CACNA1I: variants seen among roughly 807,000 people sequenced by gnomAD.
CACNA1I encodes the protein voltage-dependent T-type calcium channel subunit alpha-1I.
In CACNA1I, 74 loss-of-function variants were observed where a neutral mutation model predicts 201.6. That is an observed-to-expected ratio of 0.37 (90% confidence interval 0.30 to 0.45). The LOEUF (loss-of-function observed/expected upper bound fraction) is 0.45. CACNA1I is among the 20% of genes least tolerant of loss of function. The pLI, the probability that CACNA1I is intolerant of heterozygous loss-of-function variation, is 1.00. For missense variants in CACNA1I, 2,346 were observed against 3,138.1 expected (o/e 0.75, Z 6.03); for synonymous variants, 1,431 against 1,345.2 (o/e 1.06, Z -1.40).
chr22:39,602,550 G>T (rs1486304816), intron 3 of CACNA1I, among the ~76,000 whole-genome samples: 3 of 25,116 alleles, frequency 1.2e-4, no homozygotes, highest in African/African-American at 2.2e-4. Flanking sequence ...ACATCTTTAA[G>T]TAGTTTTTTT....
At chr22:39,612,486 G>A (rs1252708936) in intron 3 of CACNA1I, among the ~76,000 whole-genome samples, 1 of 152,158 alleles carries the variant, frequency 6.6e-6, no homozygotes, top group African/African-American at 2.4e-5. Context: ...GGAAGTCCAA[G>A]ATCAAGGTGC....
intron 3 of CACNA1I, among the ~76,000 whole-genome samples, chr22:39,615,868 T>C (rs1272510066): frequency 6.6e-6 from 1 of 152,118 alleles, no homozygotes; most frequent in African/African-American, 2.4e-5. Flanking sequence ...CCTGGAAGGA[T>C]CTACAGTGTC....
At chr22:39,613,787 G>T (rs1459229499) in intron 3 of CACNA1I, among the ~76,000 whole-genome samples, 2 of 152,202 alleles carry the variant, frequency 1.3e-5, no homozygotes, top group Non-Finnish European at 2.9e-5. Context: ...GAGGGGGCAG[G>T]TCACACAGAG....
intron 3 of CACNA1I, among the ~76,000 whole-genome samples, chr22:39,613,385 T>A (rs1983476234): frequency 1.3e-5 from 2 of 152,118 alleles, no homozygotes; most frequent in Admixed American, 1.3e-4. Context: ...GCAGAAGAGC[T>A]CATCTCTGCC....
chr22:39,625,450 G>A (rs1933871229), intron 4 of CACNA1I, among the ~76,000 whole-genome samples: 1 of 152,230 alleles, frequency 6.6e-6, no homozygotes, highest in Non-Finnish European at 1.5e-5. Context: ...TATGCCTGCT[G>A]TGTGACCTGA....
chr22:39,658,541 T>C (rs952082655), intron 11 of CACNA1I, among the ~76,000 whole-genome samples: 120 of 152,210 alleles, frequency 7.9e-4, no homozygotes, highest in African/African-American at 2.8e-3. Flanking sequence ...ATAAATCATA[T>C]TGGGAAACAA....
chr22:39,660,338 TC>T lies in CACNA1I; in HGVS notation c.2605-3del. On this transcript the variant is annotated splice_polypyrimidine_tract_variant and splice_region_variant and intron_variant, in intron 14 of 36. Coordinates refer to ENST00000402142, the MANE Select transcript of CACNA1I (RefSeq NM_021096.4). ...CTGCATTCTAACGTGACGGATGCTC[TC>T]CCAGGGTGACGCCAATCGCTCCTAC... 6.2e-7 allele frequency: 1 copy of T among 1,610,718 alleles called. No individual in the cohort carries two copies. The highest frequency in any genetic ancestry group is 1.1e-5 in the South Asian group (1 of 90,524).
rs1935563021 is a variant in CACNA1I at position 39,677,864 on chromosome 22, A to G, written c.4934-123A>G. 1 of 1,124,032 alleles carries G rather than the reference A, an allele frequency of 8.9e-7. No individual in the cohort carries two copies. Among genetic ancestry groups the G allele is most frequent in the African/African-American group, 1.6e-5 (1 of 63,890 alleles). The allele number at this position is 1,124,032 out of a possible 1,614,324, so 69.6% of individuals were successfully genotyped here. ...GCCTCAGTTTATCTGTGGGCTGGGC[A>G]CAGTCTGCAGGCCCCTCCTAGGGTG... On this transcript the variant is annotated intron_variant, in intron 30 of 36. Transcript: ENST00000402142. This position sits in a 1 kb window ranked among gnomAD's most constrained non-coding sequence, Gnocchi z 4.8.
At chr22:39,635,132 C>T (rs912747017) in intron 5 of CACNA1I, among the ~76,000 whole-genome samples, 5 of 152,176 alleles carry the variant, frequency 3.3e-5, no homozygotes, top group African/African-American at 1.2e-4. Flanking sequence ...CCTATAGAAC[C>T]CGTGCTTCCG....
chr22:39,601,373 G>C (rs191348329), intron 3 of CACNA1I, among the ~76,000 whole-genome samples: 1 of 152,362 alleles, frequency 6.6e-6, no homozygotes, highest in Non-Finnish European at 1.5e-5. Flanking sequence ...GGACCAGGGC[G>C]CTGGGCAAAG....
intron 10 of CACNA1I, chr22:39,656,666 G>T (rs1013628269): frequency 5.8e-6 from 3 of 518,866 alleles, no homozygotes; most frequent in African/African-American, 5.8e-5. Flanking sequence ...ATGAATGAAT[G>T]AATGAATTTG....
Position 39,685,640 on chromosome 22 carries a change from C to T in CACNA1I, c.6028-121C>T, listed in dbSNP as rs930904172. 5 of 839,076 alleles carry T rather than the reference C, an allele frequency of 6.0e-6. No individual in the cohort carries two copies. Among genetic ancestry groups the T allele is most frequent in the African/African-American group, 3.6e-5 (2 of 54,894 alleles). The allele number at this position is 839,076 out of a possible 1,614,324, so 52.0% of individuals were successfully genotyped here. On this transcript the variant is annotated intron_variant, in intron 36 of 36. Transcript: ENST00000402142. This position sits in a 1 kb window ranked among gnomAD's most constrained non-coding sequence, Gnocchi z 5.0. The stretch of plus-strand genomic sequence containing the variant: ...GGACGTGCGGAGGGGAGAAGCCCTG[C>T]TCCGAAGGGAGCTCCTTGGATGGGG...
chr22:39,632,411 C>T (rs906923666), intron 4 of CACNA1I, among the ~76,000 whole-genome samples: 5 of 152,234 alleles, frequency 3.3e-5, no homozygotes, highest in African/African-American at 9.6e-5. Flanking sequence ...CCTGCAACCG[C>T]CTTCAGGAAT....
chr22:39,588,701 A>G (rs775840270), intron 1 of CACNA1I, among the ~76,000 whole-genome samples: 6 of 152,078 alleles, frequency 3.9e-5, no homozygotes, highest in Non-Finnish European at 7.4e-5. Flanking sequence ...GCATTTTCAT[A>G]TAAGTCCTCT....
intron 1 of CACNA1I, among the ~76,000 whole-genome samples, chr22:39,589,613 G>A (rs1932798951): frequency 6.6e-6 from 1 of 152,202 alleles, no homozygotes; most frequent in South Asian, 2.1e-4. Context: ...GTTCATCTCA[G>A]CACCCTGAGG....
chr22:39,572,125 T>C (rs907940623), intron 1 of CACNA1I, among the ~76,000 whole-genome samples: 1 of 151,850 alleles, frequency 6.6e-6, no homozygotes, highest in African/African-American at 2.4e-5. Flanking sequence ...GGAGGCTGCA[T>C]GAGGGATGGG....
chr22:39,628,939 C>A (rs1407219760), intron 4 of CACNA1I, among the ~76,000 whole-genome samples: 1 of 152,174 alleles, frequency 6.6e-6, no homozygotes, highest in Non-Finnish European at 1.5e-5. Context: ...GGGCTGACAG[C>A]TCCCCTCTGC....
Position 39,670,202 on chromosome 22 carries a change from G to A in CACNA1I, c.4359G>A (p.Arg1453=). Residue 1453 remains arginine, a synonymous_variant, in exon 25 of 37, where the codon CGG becomes CGA. Transcript: ENST00000402142. ...AGGCACGGCGGCGTGAGGAGAAGCG[G>A]CTGCGGCGCCTGGAGAAGAAGCGCC... ...AEEARRREEK[R]LRRLEKKRRK... The A allele has an allele frequency of 6.2e-7, 1 of 1,613,586 alleles. No individual in the cohort carries two copies. Among genetic ancestry groups the A allele is most frequent in the African/African-American group, 1.3e-5 (1 of 75,072 alleles).
intron 1 of CACNA1I, among the ~76,000 whole-genome samples, chr22:39,588,942 G>A (rs1932791016): frequency 6.6e-6 from 1 of 152,202 alleles, no homozygotes; most frequent in African/African-American, 2.4e-5. Flanking sequence ...TGTTTCAGTT[G>A]CCTGTCCTTT....
Sources: allele counts gnomAD v4.1 joint callset (sites outside exome capture counted in the v4.1 genomes callset), GRCh38; gene constraint gnomAD v4.1.1; non-coding constraint Gnocchi (gnomAD v3.1); transcripts MANE v1.5; gene names NCBI Gene and HGNC (gene_info 2026-07-23, HGNC 2026-07-21).